The following CPA6 variants were observed in gnomAD, a reference collection of about 807,000 sequenced individuals.
CPA6 encodes the protein carboxypeptidase B.
A neutral mutation model predicts 63.3 loss-of-function variants in CPA6; 58 were observed. The observed-to-expected ratio is 0.92, with a 90% CI of 0.74 to 1.14. The LOEUF is 1.14. Ranked by LOEUF, CPA6 falls within the 50% of genes most tolerant of loss-of-function variation. The pLI is 0.00. For synonymous variants in CPA6, 185 were observed against 179.0 expected, an observed-to-expected ratio of 1.03 and a Z score of -0.27; for missense variants, 565 against 526.6, an observed-to-expected ratio of 1.07 and a Z score of -0.71.
At chr8:67,427,015 T>C (rs1251232592) in intron 10 of CPA6, among the ~76,000 whole-genome samples, 2 of 152,326 alleles carry the variant, frequency 1.3e-5, no homozygotes, top group Non-Finnish European at 1.5e-5. Flanking sequence ...CATCCCAAAA[T>C]AAGCCAGATT....
At chr8:67,435,522 C>G (rs1405953718) in intron 8 of CPA6, among the ~76,000 whole-genome samples, 1 of 152,124 alleles carries the variant, frequency 6.6e-6, no homozygotes. Flanking sequence ...CGGGGAGGCT[C>G]CGGCCTTCCT....
intron 8 of CPA6, among the ~76,000 whole-genome samples, chr8:67,481,360 C>T (rs1811356206): frequency 6.6e-6 from 1 of 152,226 alleles, no homozygotes; most frequent in African/African-American, 2.4e-5. Context: ...GTTCCTACCA[C>T]TACTCTGACT....
chr8:67,668,137 G>A (rs967691850), intron 1 of CPA6, among the ~76,000 whole-genome samples: 7 of 152,304 alleles, frequency 4.6e-5, no homozygotes, highest in Admixed American at 2.0e-4. Flanking sequence ...TGGTTAAAAA[G>A]GCTTTGCTCA....
At chr8:67,487,872 G>A (rs1399454918) in intron 6 of CPA6, among the ~76,000 whole-genome samples, 1 of 152,146 alleles carries the variant, frequency 6.6e-6, no homozygotes, top group East Asian at 1.9e-4. Context: ...AGAAGTGTCT[G>A]TTCATATCCT....
chr8:67,699,580 T>C (rs1304951435), intron 1 of CPA6, among the ~76,000 whole-genome samples: 2 of 151,428 alleles, frequency 1.3e-5, no homozygotes, highest in Non-Finnish European at 2.9e-5. Context: ...GTGATTTATG[T>C]TTTTTCTTCT....
intron 1 of CPA6, among the ~76,000 whole-genome samples, chr8:67,665,097 A>T (rs1035967472): frequency 6.6e-5 from 10 of 152,192 alleles, no homozygotes; most frequent in Admixed American, 5.9e-4. Context: ...CAAAGTTTTC[A>T]CTTTTAAAGG....
intron 2 of CPA6, among the ~76,000 whole-genome samples, chr8:67,556,601 T>C (rs1813066278): frequency 6.6e-6 from 1 of 152,212 alleles, no homozygotes; most frequent in Admixed American, 6.5e-5. Flanking sequence ...ATGGGAATTC[T>C]GGGAAGTCTA....
chr8:67,576,967 G>A (rs895701226), intron 2 of CPA6, among the ~76,000 whole-genome samples: 6 of 151,892 alleles, frequency 4.0e-5, no homozygotes, highest in Admixed American at 1.3e-4. Context: ...GGGTTCAAGC[G>A]ATTCTCCTAT....
chr8:67,670,364 G>A (rs1293175689), intron 1 of CPA6, among the ~76,000 whole-genome samples: 1 of 152,064 alleles, frequency 6.6e-6, no homozygotes, highest in Non-Finnish European at 1.5e-5. Flanking sequence ...ACCAGATCTC[G>A]TGAGCACTTA....
intron 1 of CPA6, among the ~76,000 whole-genome samples, chr8:67,730,469 G>C (rs1817685423): frequency 6.6e-6 from 1 of 152,092 alleles, no homozygotes; most frequent in Non-Finnish European, 1.5e-5. Context: ...GGTTTTTATG[G>C]AGGGTTATGA....
At chr8:67,507,287 G>A (rs1811950235) in intron 5 of CPA6, among the ~76,000 whole-genome samples, 1 of 151,974 alleles carries the variant, frequency 6.6e-6, no homozygotes. Context: ...TATAGTATGT[G>A]ACTGTTAAGT....
intron 8 of CPA6, among the ~76,000 whole-genome samples, chr8:67,467,313 A>G (rs1354336129): frequency 6.6e-6 from 1 of 152,146 alleles, no homozygotes; most frequent in Admixed American, 6.5e-5. Flanking sequence ...ACAAGTCTAT[A>G]TGTTTAGGCT....
rs147622899 is a variant in CPA6, at chr8:67,607,371, G to A, written c.192+16805C>T. ...TTTGAGGGCATCTGAAAGAGTAGGC[G>A]GGGTGGAAAGGTAGAAAAGTAACTC... On this transcript the variant is annotated intron_variant, in intron 2 of 10. Transcript: ENST00000297770. 1.3e-3 allele frequency among the ~76,000 whole-genome samples: 204 copies of A among 151,882 alleles called. 4 individuals are homozygous for A. In the East Asian group the frequency reaches 0.03, roughly 22 times the overall value.
chr8:67,573,171 C>A (rs895161363), intron 2 of CPA6, among the ~76,000 whole-genome samples: 2 of 152,186 alleles, frequency 1.3e-5, no homozygotes, highest in African/African-American at 2.4e-5. Context: ...ACATTATACA[C>A]AATGGTGAAA....
intron 2 of CPA6, among the ~76,000 whole-genome samples, chr8:67,563,448 A>G (rs193200119): frequency 2.4e-4 from 36 of 152,258 alleles, no homozygotes; most frequent in African/African-American, 7.7e-4. Flanking sequence ...GGTTAGCTAA[A>G]TATCACCTTT....
chr8:67,502,662 T>C (rs1235617684), intron 6 of CPA6, among the ~76,000 whole-genome samples: 1 of 152,234 alleles, frequency 6.6e-6, no homozygotes, highest in African/African-American at 2.4e-5. Flanking sequence ...GCCCCACACA[T>C]TTTGATATGT....
At chr8:67,519,662 G>A (rs920514076) in intron 2 of CPA6, among the ~76,000 whole-genome samples, 3 of 152,172 alleles carry the variant, frequency 2.0e-5, no homozygotes, top group Admixed American at 6.5e-5. Flanking sequence ...CAGCTAACAT[G>A]CCAGTCCAAC....
intron 2 of CPA6, among the ~76,000 whole-genome samples, chr8:67,600,039 C>A (rs1314489988): frequency 6.6e-6 from 1 of 151,378 alleles, no homozygotes; most frequent in Admixed American, 6.6e-5. Flanking sequence ...AGGAATGGCA[C>A]AAGGCAATAC....
At chr8:67,590,646 T>C (rs1814094141) in intron 2 of CPA6, among the ~76,000 whole-genome samples, 1 of 152,244 alleles carries the variant, frequency 6.6e-6, no homozygotes, top group Non-Finnish European at 1.5e-5. Flanking sequence ...CCAGTGATGA[T>C]GAGCATTTTT....
Sources: allele counts gnomAD v4.1 joint callset (sites outside exome capture counted in the v4.1 genomes callset), GRCh38; gene constraint gnomAD v4.1.1; transcripts MANE v1.5; gene names NCBI Gene and HGNC (gene_info 2026-07-23, HGNC 2026-07-21).